The following INTS13 variants were observed in gnomAD, a reference collection of about 807,000 sequenced individuals.
The protein encoded by INTS13 is integrator complex subunit 13.
INTS13 carries 35 observed loss-of-function variants against 90.2 expected under a neutral mutation model. The observed-to-expected ratio is 0.39, with a 90% confidence interval of 0.30 to 0.51. The LOEUF is 0.51. Ranked by LOEUF, INTS13 falls within the 20% of genes least tolerant of loss-of-function variation. INTS13 has a pLI of 0.80. For missense variants in INTS13, 601 were observed against 851.2 expected, an observed-to-expected ratio of 0.71 and a Z score of 3.66; for synonymous variants, 309 against 277.1, an observed-to-expected ratio of 1.11 and a Z score of -1.14.
chr12:26,916,088 C>G lies in INTS13; in HGVS notation c.1162G>C (p.Val388Leu). 6.2e-7 allele frequency: 1 copy of G among 1,613,680 alleles called. No homozygotes were observed. Among genetic ancestry groups the G allele is most frequent in the Non-Finnish European group, 8.5e-7 (1 of 1,179,808 alleles). ...AGAATGGATCGAGAACTGCTAAGGA[C>G]GTGCAAAAAAATCTCTCCTCCATGG... ...SSHGGEIFLHVLSSSRSILED... is the reference protein window; with the variant it reads ...SSHGGEIFLHLLSSSRSILED... The change falls in exon 11 of 17, where the codon GTC (valine) becomes CTC (leucine). Residue 388 changes from valine (V) to leucine (L), a missense_variant. Val to Leu is a conservative substitution (Grantham distance 32). Coordinates refer to ENST00000261191, the MANE Select transcript of INTS13 (RefSeq NM_018164.3).
intron 2 of INTS13, among the ~76,000 whole-genome samples, chr12:26,935,060 T>C (rs1480690018): frequency 1.3e-5 from 2 of 152,024 alleles, no homozygotes; most frequent in African/African-American, 2.4e-5. Flanking sequence ...GGATAGACAA[T>C]CTGGGTACGG....
rs374609619 is a variant in INTS13 at position 26,917,577 on chromosome 12, T to C, written c.979+67A>G. On this transcript the variant is annotated intron_variant, in intron 9 of 16. Transcript: ENST00000261191. Reference sequence around the variant, plus strand: ...AAACGAAAATGCAAAACAGAATAAATTGACCCCCATATAATACCTTAAGAA... The same window carrying C: ...AAACGAAAATGCAAAACAGAATAAACTGACCCCCATATAATACCTTAAGAA... The C allele has an allele frequency of 9.3e-4, 1,312 of 1,412,030 alleles. 4 individuals carry two copies. The highest frequency in any genetic ancestry group is 6.2e-4 in the Admixed American group (34 of 54,564). 87.5% of individuals were successfully genotyped at this position (1,412,030 alleles called of 1,614,324 possible). A position where few individuals can be genotyped will look rare whatever the true frequency, so the allele number is the denominator to read the frequency against.
chr12:26,922,658 G>C lies in INTS13; in HGVS notation c.847C>G (p.Leu283Val), dbSNP rs764433458. 3.8e-6 allele frequency: 6 copies of C among 1,586,254 alleles called. No individual in the cohort carries two copies. Among genetic ancestry groups the C allele is most frequent in the Non-Finnish European group, 4.3e-6 (5 of 1,165,942 alleles). The change falls in exon 8 of 17, where the codon CTA (leucine) becomes GTA (valine). Residue 283 changes from leucine (L) to valine (V), a missense_variant. By Grantham distance (32) the Leu-to-Val change is conservative. This residue lies in a region of INTS13 where 284 missense variants were observed against 387.7 expected (regional missense o/e 0.73). Transcript: ENST00000261191. Reference sequence around the variant, plus strand: ...ACATGTGCATCTTTGTGATGAAGTAGCTCCACATCATAATTGGCAGATGTG... The same window carrying C: ...ACATGTGCATCTTTGTGATGAAGTACCTCCACATCATAATTGGCAGATGTG... ...ANTSANYDVE[L>V]LHHKDAHVDF...
intron 15 of INTS13, among the ~76,000 whole-genome samples, chr12:26,909,701 C>T (rs1951718861): frequency 6.6e-6 from 1 of 152,136 alleles, no homozygotes; most frequent in Non-Finnish European, 1.5e-5. Context: ...CTATTTAAAT[C>T]CTATTATTTT....
rs372413076 is a variant in INTS13 at position 26,911,220 on chromosome 12, G to A, written c.1903C>T (p.Leu635Phe). 2 of 1,613,620 alleles carry A rather than the reference G, an allele frequency of 1.2e-6. No individual in the cohort carries two copies. The highest frequency in any genetic ancestry group is 1.7e-5 in the Admixed American group (1 of 59,950). ...DSPEPPNKKP[L>F]VEMDETPQVE... ...TGTGGAGTTTCATCCATTTCAACAA[G>A]GGGTTTTTTGTTTGGAGGTTCTGGG... Residue 635 changes from leucine to phenylalanine, a missense_variant, in exon 15 of 17, where the codon CTT becomes TTT. Coordinates refer to ENST00000261191, the MANE Select transcript of INTS13 (RefSeq NM_018164.3).
At chr12:26,919,000 T>C (rs1952025508) in intron 8 of INTS13, 1 of 360,692 alleles carries the variant, frequency 2.8e-6, no homozygotes, top group Non-Finnish European at 5.7e-6. Context: ...CCTGTCTCTA[T>C]GGAAAAAATA....
chr12:26,913,839 T>C, intron 13 of INTS13, 135 bp downstream of exon 13: 1 of 1,121,594 alleles, frequency 8.9e-7, no homozygotes, highest in Non-Finnish European at 1.3e-6. Flanking sequence ...ATTTCTATGA[T>C]TTTGTATTAT....
At chr12:26,929,563 G>GAAAAAAAAA (rs113961406) in intron 3 of INTS13, among the ~76,000 whole-genome samples, 1 of 115,594 alleles carries the variant, frequency 8.7e-6, no homozygotes, top group African/African-American at 3.3e-5. Context: ...TCTATAAAAA[G>GAAAAAAAAA]AAAAAAAAAA....
chr12:26,906,550 G>A (rs1244131147), intron 15 of INTS13, 113 bp from the exon 16 acceptor site: 1 of 1,078,410 alleles, frequency 9.3e-7, no homozygotes, highest in Non-Finnish European at 1.3e-6. Flanking sequence ...ACACAATTAA[G>A]GCAGTTAATT....
chr12:26,927,973 T>C (rs1273323107), intron 5 of INTS13, among the ~76,000 whole-genome samples: 3 of 152,174 alleles, frequency 2.0e-5, no homozygotes, highest in Admixed American at 6.5e-5. Flanking sequence ...AAATACACAT[T>C]ATAAATTTAT....
intron 1 of INTS13, 35 bp from the exon 2 acceptor site, chr12:26,936,849 T>C: frequency 7.5e-7 from 1 of 1,326,444 alleles, no homozygotes; most frequent in South Asian, 1.2e-5. Context: ...CAAATATTTG[T>C]ACATAACATC....
chr12:26,932,342 C>T (rs1225537924), intron 3 of INTS13, among the ~76,000 whole-genome samples: 1 of 152,078 alleles, frequency 6.6e-6, no homozygotes, highest in African/African-American at 2.4e-5. Context: ...ACTAGAGGCA[C>T]CAATTACCAA....
chr12:26,905,282 C>T lies in INTS13; in HGVS notation c.*215G>A. 2.0e-6 allele frequency: 1 copy of T among 494,218 alleles called. No homozygotes were observed. Among genetic ancestry groups the T allele is most frequent in the Non-Finnish European group, 3.5e-6 (1 of 286,390 alleles). The allele number at this position is 494,218 out of a possible 1,614,324, so 30.6% of individuals were successfully genotyped here. On this transcript the variant is annotated 3_prime_UTR_variant, in exon 17 of 17. Transcript: ENST00000261191. ...AGAACACTTTATACCATAAAATAAA[C>T]TTGTATAATTTGGGAGGACAAATCA...
chr12:26,912,552 T>C (rs1300032658), intron 14 of INTS13, among the ~76,000 whole-genome samples: 2 of 152,216 alleles, frequency 1.3e-5, no homozygotes, highest in Non-Finnish European at 2.9e-5. Flanking sequence ...TTATAAGCCT[T>C]TATTACTTTT....
chr12:26,910,849 T>C (rs1273600515), intron 15 of INTS13, among the ~76,000 whole-genome samples: 1 of 152,160 alleles, frequency 6.6e-6, no homozygotes, highest in African/African-American at 2.4e-5. Flanking sequence ...ATTTTTTTTT[T>C]TTCTGAAACA....
At chr12:26,925,317 C>T (rs1937809275) in intron 6 of INTS13, among the ~76,000 whole-genome samples, 1 of 151,914 alleles carries the variant, frequency 6.6e-6, no homozygotes, top group Non-Finnish European at 1.5e-5. Context: ...TCATCTATTC[C>T]TTTAAAATTA....
intron 6 of INTS13, among the ~76,000 whole-genome samples, chr12:26,925,464 G>C (rs1937817380): frequency 6.6e-6 from 1 of 151,792 alleles, no homozygotes; most frequent in Non-Finnish European, 1.5e-5. Context: ...GATTTTTACA[G>C]AATAAAAATA....
Position 26,928,175 on chromosome 12 carries a change from A to G in INTS13, c.584+30T>C, listed in dbSNP as rs1024089896. 4 of 1,485,982 alleles carry G rather than the reference A, an allele frequency of 2.7e-6. No homozygotes were observed. In the African/African-American group the frequency reaches 4.1e-5, roughly 15 times the overall value. 92.0% of individuals were successfully genotyped at this position (1,485,982 alleles called of 1,614,324 possible). On this transcript the variant is annotated intron_variant, in intron 5 of 16. Coordinates refer to ENST00000261191, the MANE Select transcript of INTS13 (RefSeq NM_018164.3). ...ATAACATATATCTATCCACATGAAC[A>G]TATTTATTTCATTTATGAATTATAC...
At chr12:26,928,946 G>A in intron 3 of INTS13, 41 bp from the exon 4 acceptor site, 3 of 1,543,902 alleles carry the variant, frequency 1.9e-6, no homozygotes, top group South Asian at 1.1e-5. Flanking sequence ...AAGAGTATGT[G>A]CAATTCAGAT....
Sources: gnomAD v4.1 joint callset for allele counts (sites outside exome capture counted in the v4.1 genomes callset) on GRCh38, gnomAD v4.1.1 for gene constraint, gnomAD v4.1.1 regional missense constraint, MANE v1.5 for transcripts, NCBI Gene and HGNC (gene_info 2026-07-23, HGNC 2026-07-21) for gene names.